Variants in SYN3 observed in about 807,000 individuals in gnomAD.
The protein encoded by SYN3 is synapsin-3.
SYN3 carries 35 observed loss-of-function variants against 65.8 expected under a neutral mutation model. The observed-to-expected ratio is 0.53, with a 90% CI of 0.41 to 0.70. SYN3 has a LOEUF of 0.70. SYN3 is among the 30% of genes least tolerant of loss of function. SYN3 has a pLI of 0.00. For synonymous variants in SYN3, 270 were observed against 292.9 expected (o/e 0.92, Z 0.80); for missense variants, 680 against 749.0 (o/e 0.91, Z 1.08).
intron 11 of SYN3, among the ~76,000 whole-genome samples, chr22:32,528,540 C>T (rs370422492): frequency 5.3e-5 from 8 of 152,176 alleles, no homozygotes; most frequent in Non-Finnish European, 7.3e-5. Context: ...CGCACACGCA[C>T]GCACACACAT....
At chr22:32,526,974 C>T (rs941004175) in intron 12 of SYN3, among the ~76,000 whole-genome samples, 8 of 152,136 alleles carry the variant, frequency 5.3e-5, no homozygotes, top group Non-Finnish European at 7.3e-5. Flanking sequence ...GGATTTCTCT[C>T]AAGACTGCAT....
At chr22:32,964,671 C>T (rs947221633) in intron 3 of SYN3, among the ~76,000 whole-genome samples, 7 of 152,156 alleles carry the variant, frequency 4.6e-5, no homozygotes, top group East Asian at 1.9e-4. Flanking sequence ...GAGCCTTACA[C>T]CTCAGGAGTT....
At chr22:32,999,612 G>A (rs2052997233) in intron 2 of SYN3, among the ~76,000 whole-genome samples, 2 of 152,210 alleles carry the variant, frequency 1.3e-5, no homozygotes, top group South Asian at 2.1e-4. Context: ...AAACCTCGGA[G>A]GTGGAGGTTG....
intron 6 of SYN3, among the ~76,000 whole-genome samples, chr22:32,802,382 C>T (rs558400332): frequency 8.2e-4 from 125 of 152,236 alleles, no homozygotes; most frequent in African/African-American, 2.8e-3. Context: ...CGTGAGGTTC[C>T]TACCGGTCCT....
chr22:32,708,988 G>A (rs1259574621), intron 6 of SYN3, among the ~76,000 whole-genome samples: 2 of 152,290 alleles, frequency 1.3e-5, no homozygotes, highest in South Asian at 2.1e-4. Flanking sequence ...CGAGCCCTGC[G>A]GGGCAGTGAT....
intron 6 of SYN3, among the ~76,000 whole-genome samples, chr22:32,824,582 AAT>A (rs920957356): frequency 6.6e-6 from 1 of 152,090 alleles, no homozygotes; most frequent in Non-Finnish European, 1.5e-5. Flanking sequence ...ATAATTAAAT[AAT>A]ATATATATGT....
chr22:32,996,615 CAT>C (rs2052888391), intron 2 of SYN3, among the ~76,000 whole-genome samples: 1 of 152,126 alleles, frequency 6.6e-6, no homozygotes, highest in South Asian at 2.1e-4. Context: ...TCATGTCTGA[CAT>C]GTGTTAGGAA....
chr22:32,669,483 A>G (rs1251938910), intron 6 of SYN3, among the ~76,000 whole-genome samples: 1 of 152,220 alleles, frequency 6.6e-6, no homozygotes, highest in East Asian at 1.9e-4. Flanking sequence ...TGGAGTCATA[A>G]ACACTGGTGT....
Position 32,526,445 on chromosome 22 carries a change from A to C in SYN3, c.1318+1473T>G, listed in dbSNP as rs372440080. Among the ~76,000 whole-genome samples, 18 of 152,232 alleles carry C rather than the reference A, an allele frequency of 1.2e-4. 1 individual carries two copies. The highest frequency in any genetic ancestry group is 4.1e-4 in the African/African-American group (17 of 41,548). On this transcript the variant is annotated intron_variant, in intron 12 of 13. Transcript: ENST00000358763. The stretch of plus-strand genomic sequence containing the variant: ...ACAAAGTAATGAATCTGTTGCTTTT[A>C]ATAATAGTGACTGGGAAGGCCACAA...
chr22:32,850,620 G>A (rs566702727), intron 6 of SYN3, among the ~76,000 whole-genome samples: 64 of 152,276 alleles, frequency 4.2e-4, no homozygotes, highest in Non-Finnish European at 7.5e-4. Context: ...GGAGAGAAGA[G>A]GCAGGTATGT....
chr22:33,030,176 G>A (rs1360009820), intron 1 of SYN3, among the ~76,000 whole-genome samples: 3 of 152,122 alleles, frequency 2.0e-5, no homozygotes, highest in Non-Finnish European at 2.9e-5. Flanking sequence ...CAGGCACCCC[G>A]TCAATGAGAG....
intron 10 of SYN3, among the ~76,000 whole-genome samples, chr22:32,531,093 A>G (rs2058061731): frequency 1.4e-5 from 2 of 146,086 alleles, no homozygotes; most frequent in Admixed American, 1.4e-4. Context: ...AGGGCCCCGG[A>G]AAACAGGCCT....
chr22:32,676,666 A>G (rs1169015314), intron 6 of SYN3, among the ~76,000 whole-genome samples: 3 of 147,336 alleles, frequency 2.0e-5, no homozygotes, highest in Admixed American at 6.8e-5. Flanking sequence ...CCCCCCGAGT[A>G]GCTGGGACTA....
chr22:32,587,722 A>C (rs147970903), intron 7 of SYN3, among the ~76,000 whole-genome samples: 230 of 152,318 alleles, frequency 1.5e-3, no homozygotes, highest in African/African-American at 4.6e-3. Context: ...GAACCTGGCT[A>C]AGCCAGCGTG....
At chr22:32,896,126 A>C (rs2049587071) in intron 4 of SYN3, among the ~76,000 whole-genome samples, 1 of 152,192 alleles carries the variant, frequency 6.6e-6, no homozygotes, top group African/African-American at 2.4e-5. Flanking sequence ...TGATATTGAA[A>C]CTATAAAGAT....
intron 6 of SYN3, among the ~76,000 whole-genome samples, chr22:32,847,835 T>A (rs1049526365): frequency 6.6e-6 from 1 of 152,232 alleles, no homozygotes; most frequent in South Asian, 2.1e-4. Flanking sequence ...AATTTGTAAT[T>A]CAAAGTATGA....
At chr22:32,725,754 C>T (rs2061181775) in intron 6 of SYN3, among the ~76,000 whole-genome samples, 1 of 152,238 alleles carries the variant, frequency 6.6e-6, no homozygotes. Context: ...GTTTAGACTT[C>T]TGACGTCCAA....
At chr22:32,530,663 T>C (rs1455842246) in intron 10 of SYN3, among the ~76,000 whole-genome samples, 1 of 151,338 alleles carries the variant, frequency 6.6e-6, no homozygotes, top group African/African-American at 2.4e-5. Context: ...TAGGGATCTG[T>C]GAGTTTAAGC....
intron 10 of SYN3, among the ~76,000 whole-genome samples, chr22:32,532,834 GGCC>G (rs2058099806): frequency 2.0e-5 from 3 of 152,044 alleles, no homozygotes; most frequent in Non-Finnish European, 4.4e-5. Context: ...CACGTGTCCT[GGCC>G]TTGTGTCAGC....
Sources: allele counts gnomAD v4.1 joint callset (sites outside exome capture counted in the v4.1 genomes callset), GRCh38; gene constraint gnomAD v4.1.1; transcripts MANE v1.5; gene names NCBI Gene and HGNC (gene_info 2026-07-23, HGNC 2026-07-21).